ZNF618: variants seen among roughly 807,000 people sequenced by gnomAD.
ZNF618 encodes zinc finger protein 618.
ZNF618 carries 34 observed loss-of-function variants against 103.0 expected under a neutral mutation model. The ratio of observed to expected loss-of-function variants is 0.33; its 90% CI spans 0.25 to 0.44. The LOEUF (loss-of-function observed/expected upper bound fraction) is 0.44. Among genes scored for constraint, ZNF618 ranks in the 20% least tolerant of loss-of-function variants. The pLI, the probability that ZNF618 is intolerant of heterozygous loss-of-function variation, is 1.00. For synonymous variants in ZNF618, 551 were observed against 542.2 expected (o/e 1.02, Z -0.23); for missense variants, 1,059 against 1,295.4 (o/e 0.82, Z 2.80).
intron 1 of ZNF618, among the ~76,000 whole-genome samples, chr9:113,946,438 A>C (rs979609306): frequency 6.6e-6 from 1 of 150,506 alleles, no homozygotes; most frequent in Non-Finnish European, 1.5e-5. Context: ...TTTATTGGTG[A>C]CAAGTCTAGA....
At chr9:114,014,773 T>A (rs1471588742) in intron 9 of ZNF618, among the ~76,000 whole-genome samples, 1 of 151,898 alleles carries the variant, frequency 6.6e-6, no homozygotes, top group Non-Finnish European at 1.5e-5. Context: ...CTAGAATTTT[T>A]TTTTCAGTAG....
chr9:113,996,332 T>C (rs1378921311), intron 3 of ZNF618, among the ~76,000 whole-genome samples: 2 of 152,242 alleles, frequency 1.3e-5, no homozygotes, highest in East Asian at 3.8e-4. Flanking sequence ...ACCAGCCTTC[T>C]GTCCCTACCC....
chr9:113,888,048 T>TA (rs966684965), intron 1 of ZNF618, among the ~76,000 whole-genome samples: 6 of 152,166 alleles, frequency 3.9e-5, no homozygotes, highest in Admixed American at 3.9e-4. Context: ...TTTGTTTTTT[T>TA]TTTAAATATG....
chr9:113,915,070 G>A (rs1344300271), intron 1 of ZNF618, among the ~76,000 whole-genome samples: 2 of 152,124 alleles, frequency 1.3e-5, no homozygotes, highest in Non-Finnish European at 2.9e-5. Context: ...ACCTTACTTA[G>A]CAAAACTTTC....
rs986765143 is a variant in ZNF618, at chr9:113,998,238, C to G, written c.338-21C>G. 18 of 1,549,882 alleles carry G rather than the reference C, an allele frequency of 1.2e-5. No individual in the cohort carries two copies. In the African/African-American group the frequency reaches 2.3e-4, roughly 20 times the overall value. On this transcript the variant is annotated intron_variant, in intron 3 of 14. Coordinates refer to ENST00000374126, the MANE Select transcript of ZNF618 (RefSeq NM_001318042.2). ...CATTCTCCAACTTTAAGGGCTCTTT[C>G]TGATTTCTTACGTAATTCAGATGGA...
chr9:113,944,287 A>AT (rs1007898425), intron 1 of ZNF618, among the ~76,000 whole-genome samples: 11 of 151,862 alleles, frequency 7.2e-5, no homozygotes, highest in South Asian at 4.2e-4. Context: ...AATTCTTTCT[A>AT]TTTTTTTTGA....
chr9:113,965,641 C>T (rs1312812884), intron 1 of ZNF618, among the ~76,000 whole-genome samples: 1 of 152,060 alleles, frequency 6.6e-6, no homozygotes, highest in Non-Finnish European at 1.5e-5. Context: ...GGGAGATGAC[C>T]TGATTTAACC....
Position 114,050,380 on chromosome 9 carries a change from G to T in ZNF618, c.*213G>T. On this transcript the variant is annotated 3_prime_UTR_variant, in exon 15 of 15. Transcript: ENST00000374126. Reference sequence around the variant, plus strand: ...TGCACGTGTCTGAACACGTGCTGTGGTTGTGGGGGTGTGGGGGGGTCTCTG... The same window carrying T: ...TGCACGTGTCTGAACACGTGCTGTGTTTGTGGGGGTGTGGGGGGGTCTCTG... The T allele has an allele frequency of 3.8e-6, 2 of 527,946 alleles. No individual in the cohort carries two copies. Among genetic ancestry groups the T allele is most frequent in the Non-Finnish European group, 6.3e-6 (2 of 316,296 alleles). 32.7% of individuals were successfully genotyped at this position (527,946 alleles called of 1,614,324 possible). A position where few individuals can be genotyped will look rare whatever the true frequency, so the allele number is the denominator to read the frequency against.
chr9:113,938,114 G>A (rs1322644747), intron 1 of ZNF618, among the ~76,000 whole-genome samples: 1 of 151,424 alleles, frequency 6.6e-6, no homozygotes, highest in Non-Finnish European at 1.5e-5. Flanking sequence ...TTCCCATGCA[G>A]GAATGTGTCT....
chr9:113,964,388 C>G (rs189023540), intron 1 of ZNF618, among the ~76,000 whole-genome samples: 5 of 152,130 alleles, frequency 3.3e-5, no homozygotes, highest in African/African-American at 4.8e-5. Context: ...TTCTTTCCGC[C>G]GCTGAACAGC....
At chr9:113,986,425 A>G (rs1839486693) in intron 2 of ZNF618, among the ~76,000 whole-genome samples, 1 of 152,224 alleles carries the variant, frequency 6.6e-6, no homozygotes. Flanking sequence ...GCCTAATGCC[A>G]TAGGCTTAAT....
chr9:114,028,660 GC>G, intron 10 of ZNF618, 72 bp from the exon 11 acceptor site: 2 of 1,495,344 alleles, frequency 1.3e-6, no homozygotes, highest in Non-Finnish European at 1.8e-6. Flanking sequence ...GGAATGTGGG[GC>G]TGGTGGCCCG....
chr9:113,889,506 A>G (rs760924907), intron 1 of ZNF618, among the ~76,000 whole-genome samples: 3 of 152,250 alleles, frequency 2.0e-5, no homozygotes, highest in Non-Finnish European at 2.9e-5. Context: ...CTCCAAAGTC[A>G]TGCAGCATCA....
At chr9:113,998,128 G>A (rs1342838922) in intron 3 of ZNF618, 131 bp from the exon 4 acceptor site, 2 of 810,990 alleles carry the variant, frequency 2.5e-6, no homozygotes, top group African/African-American at 1.7e-5. Flanking sequence ...GCCAGCACAA[G>A]GTTTTTAACG....
At chr9:113,896,461 A>G (rs1434283751) in intron 1 of ZNF618, among the ~76,000 whole-genome samples, 3 of 152,024 alleles carry the variant, frequency 2.0e-5, no homozygotes, top group African/African-American at 7.2e-5. Flanking sequence ...CATTACCAAT[A>G]ATAGTTTTTG....
intron 1 of ZNF618, among the ~76,000 whole-genome samples, chr9:113,891,370 A>G (rs1222334839): frequency 6.6e-6 from 1 of 152,242 alleles, no homozygotes; most frequent in Non-Finnish European, 1.5e-5. Flanking sequence ...AGAAATATAC[A>G]GATGGCCAGT....
intron 1 of ZNF618, among the ~76,000 whole-genome samples, chr9:113,904,731 C>CT (rs2131321131): frequency 6.6e-6 from 1 of 152,296 alleles, no homozygotes; most frequent in Admixed American, 6.5e-5. Flanking sequence ...ATCTGTTTCC[C>CT]TTTCCAACCT....
chr9:114,044,398 A>G (rs1008147647), intron 13 of ZNF618, among the ~76,000 whole-genome samples: 2 of 152,274 alleles, frequency 1.3e-5, no homozygotes, highest in East Asian at 1.9e-4. Context: ...CTATTGGTCT[A>G]TGTGCCTATT....
chr9:113,951,533 G>GTACACA (rs1477057413), intron 1 of ZNF618, among the ~76,000 whole-genome samples: 1 of 82,872 alleles, frequency 1.2e-5, no homozygotes, highest in African/African-American at 4.1e-5. Flanking sequence ...ACACATATGT[G>GTACACA]TGTACATATG....
Sources: gnomAD v4.1 joint callset for allele counts (sites outside exome capture counted in the v4.1 genomes callset) on GRCh38, gnomAD v4.1.1 for gene constraint, MANE v1.5 for transcripts, NCBI Gene and HGNC (gene_info 2026-07-23, HGNC 2026-07-21) for gene names.